RBX1: variants seen among roughly 807,000 people sequenced by gnomAD.
RBX1 encodes the protein ring-box 1.
For missense variants in RBX1, 46 were observed against 141.4 expected (o/e 0.33, Z 3.42); for synonymous variants, 48 against 47.9 (o/e 1.00, Z -0.01).
rs76329433 is a variant in RBX1, at chr22:40,952,001, G to A, written c.78+525G>A. ...GGTCCTCTCACTTGGAGGGATCCTC[G>A]CTGAACCGAGGCCTCACACTGCCTG... On this transcript the variant is annotated intron_variant, in intron 1 of 4. Transcript: ENST00000216225. Among the ~76,000 whole-genome samples the A allele has an allele frequency of 2.2e-3, 341 of 151,562 alleles. 1 individual carries two copies. The highest frequency in any genetic ancestry group is 8.1e-3 in the African/African-American group (330 of 40,952).
Position 40,968,976 on chromosome 22 carries a change from T to G in RBX1, c.314+1092T>G, listed in dbSNP as rs183829921. 7.1e-3 allele frequency among the ~76,000 whole-genome samples: 1,076 copies of G among 152,286 alleles called. 12 individuals are homozygous for G. Among genetic ancestry groups the G allele is most frequent in the African/African-American group, 0.025 (1,026 of 41,552 alleles). On this transcript the variant is annotated intron_variant, in intron 4 of 4. Coordinates refer to ENST00000216225, the MANE Select transcript of RBX1 (RefSeq NM_014248.4). The stretch of plus-strand genomic sequence containing the variant: ...GTACCTTAACTTTTTTCTTTTCTTT[T>G]TTTATTTGTTTGCATGTTTTTAACA...
chr22:40,951,492 C>A lies in RBX1; in HGVS notation c.78+16C>A, dbSNP rs1440166515. On this transcript the variant is annotated intron_variant, in intron 1 of 4. Transcript: ENST00000216225. ...AGTGAAAAAGGTTGGGTCTCGCCAG[C>A]GCCTTCCTCAGGGAAGCTAGAGAGG... The A allele has an allele frequency of 6.2e-7, 1 of 1,610,624 alleles. No homozygotes were observed. The highest frequency in any genetic ancestry group is 1.3e-5 in the African/African-American group (1 of 74,900).
At chr22:40,958,774 TTTTGGTTTGG>T (rs57128854) in intron 2 of RBX1, among the ~76,000 whole-genome samples, 2,831 of 144,796 alleles carry the variant, frequency 0.02, 81 homozygotes, top group African/African-American at 0.061. Context: ...TCCATCAGTA[TTTTGGTTTGG>T]TTTGGTTTGG....
chr22:40,951,957 G>A (rs2058312219), intron 1 of RBX1, among the ~76,000 whole-genome samples: 1 of 152,004 alleles, frequency 6.6e-6, no homozygotes, highest in East Asian at 1.9e-4. Context: ...TTGAAGCTTG[G>A]GGTCCTCTCA....
At chr22:40,967,941 G>A (rs1022255404) in intron 4 of RBX1, 57 bp downstream of exon 4, 1 of 1,248,326 alleles carries the variant, frequency 8.0e-7, no homozygotes, top group Admixed American at 1.7e-5. Flanking sequence ...GCTGAAAGGA[G>A]CGTGGTCTTG....
chr22:40,962,256 C>G (rs2058342775), intron 2 of RBX1, among the ~76,000 whole-genome samples: 1 of 151,992 alleles, frequency 6.6e-6, no homozygotes, highest in Non-Finnish European at 1.5e-5. Context: ...CATGTACCAC[C>G]ATGCACCACT....
At chr22:40,958,765 C>T (rs1225101082) in intron 2 of RBX1, among the ~76,000 whole-genome samples, 1 of 149,446 alleles carries the variant, frequency 6.7e-6, no homozygotes, top group East Asian at 2.0e-4. Context: ...AACTACAGAT[C>T]CATCAGTATT....
At chr22:40,963,997 A>G in intron 2 of RBX1, 50 bp from the exon 3 acceptor site, 3 of 1,413,666 alleles carry the variant, frequency 2.1e-6, no homozygotes, top group Non-Finnish European at 1.0e-6. Flanking sequence ...TATAGATTGA[A>G]ACGTTGCTGC....
chr22:40,951,891 C>T (rs1444061799), intron 1 of RBX1, among the ~76,000 whole-genome samples: 1 of 152,016 alleles, frequency 6.6e-6, no homozygotes, highest in Non-Finnish European at 1.5e-5. Context: ...AACCTGAGGT[C>T]CTACCGCATT....
intron 2 of RBX1, among the ~76,000 whole-genome samples, chr22:40,958,955 A>C (rs1208573800): frequency 6.6e-6 from 1 of 152,108 alleles, no homozygotes. Flanking sequence ...CTGAGACTGC[A>C]GGTATGCACC....
intron 3 of RBX1, chr22:40,967,289 A>C (rs1218329185): frequency 6.5e-6 from 1 of 153,046 alleles, no homozygotes; most frequent in Non-Finnish European, 1.5e-5. Flanking sequence ...AGGTTGGGGA[A>C]GTGCCCGTCT....
At chr22:40,967,150 C>A (rs1465713877) in intron 3 of RBX1, 3 of 152,168 alleles carry the variant, frequency 2.0e-5, no homozygotes, top group Non-Finnish European at 4.4e-5. Flanking sequence ...TTTCTTTTAT[C>A]TCATTCCCTA....
At chr22:40,958,260 A>G (rs1016522190) in intron 2 of RBX1, among the ~76,000 whole-genome samples, 45 of 151,972 alleles carry the variant, frequency 3.0e-4, no homozygotes, top group African/African-American at 1.1e-3. Context: ...GCCCCTGGCC[A>G]CACACTTTTA....
intron 2 of RBX1, among the ~76,000 whole-genome samples, chr22:40,961,128 C>T (rs1226907203): frequency 2.2e-5 from 3 of 139,086 alleles, no homozygotes; most frequent in Non-Finnish European, 4.6e-5. Context: ...TGCTCTGTCA[C>T]CTAGGCTGGA....
chr22:40,954,187 T>G (rs765668013), intron 2 of RBX1, among the ~76,000 whole-genome samples: 6 of 151,514 alleles, frequency 4.0e-5, no homozygotes, highest in Non-Finnish European at 8.8e-5. Flanking sequence ...GAGAATTGCT[T>G]GAACCTGGGA....
chr22:40,960,921 C>G (rs1295338398), intron 2 of RBX1, among the ~76,000 whole-genome samples: 1 of 151,282 alleles, frequency 6.6e-6, no homozygotes. Flanking sequence ...ACCCACCACA[C>G]CCGGTTAATT....
In RBX1 at chr22:40,972,809, C is replaced by T. The variant is rs6002213; in HGVS notation, c.*321C>T. 6.5e-5 allele frequency: 15 copies of T among 231,410 alleles called. No individual in the cohort carries two copies. Among genetic ancestry groups the T allele is most frequent in the African/African-American group, 3.1e-4 (14 of 44,464 alleles). 14.3% of individuals were successfully genotyped at this position (231,410 alleles called of 1,614,324 possible). A position where few individuals can be genotyped will look rare whatever the true frequency, so the allele number is the denominator to read the frequency against. ...GTCCTCTGAGCGCATCACTTAGTGA[C>T]GAGGAATCCAACAGCTCAAGGCAGA... is the stretch of plus-strand genomic sequence containing the variant. On this transcript the variant is annotated 3_prime_UTR_variant, in exon 5 of 5. Coordinates refer to ENST00000216225, the MANE Select transcript of RBX1 (RefSeq NM_014248.4).
At chr22:40,970,921 T>C (rs2058367373) in intron 4 of RBX1, among the ~76,000 whole-genome samples, 1 of 152,212 alleles carries the variant, frequency 6.6e-6, no homozygotes, top group African/African-American at 2.4e-5. Flanking sequence ...ACTGTTGGGC[T>C]CCCTTCAGCA....
At chr22:40,961,841 GTGGTGTGATCT>G (rs1373043699) in intron 2 of RBX1, among the ~76,000 whole-genome samples, 1 of 151,930 alleles carries the variant, frequency 6.6e-6, no homozygotes, top group South Asian at 2.1e-4. Context: ...CTGGAATGCA[GTGGTGTGATCT>G]CGGCTCACTG....
Sources: allele counts gnomAD v4.1 joint callset (sites outside exome capture counted in the v4.1 genomes callset), GRCh38; gene constraint gnomAD v4.1.1; transcripts MANE v1.5; gene names NCBI Gene and HGNC (gene_info 2026-07-23, HGNC 2026-07-21).